Variants in TENM3 observed in about 807,000 individuals in gnomAD.
TENM3 encodes the protein teneurin-3.
A neutral mutation model predicts 255.1 loss-of-function variants in TENM3; 63 were observed. The observed-to-expected ratio is 0.25, with a 90% CI of 0.20 to 0.30. The LOEUF is 0.30. Among genes scored for constraint, TENM3 ranks in the 10% least tolerant of loss-of-function variants. The pLI is 1.00. For synonymous variants in TENM3, 1,306 were observed against 1,322.3 expected (o/e 0.99, Z 0.27); for missense variants, 2,929 against 3,461.1 (o/e 0.85, Z 3.86).
chr4:182,524,400 C>G (rs1207644175), intron 3 of TENM3, among the ~76,000 whole-genome samples: 1 of 139,078 alleles, frequency 7.2e-6, no homozygotes, highest in Non-Finnish European at 1.5e-5. Context: ...CTCTCTCTGT[C>G]ACCCAGGCCA....
At chr4:182,639,077 C>T (rs998106830) in intron 5 of TENM3, among the ~76,000 whole-genome samples, 3 of 152,108 alleles carry the variant, frequency 2.0e-5, no homozygotes, top group Non-Finnish European at 4.4e-5. Context: ...TTTCATTAAA[C>T]TTAGCTGTTT....
intron 3 of TENM3, among the ~76,000 whole-genome samples, chr4:182,554,513 G>T (rs1188237185): frequency 6.6e-6 from 1 of 152,086 alleles, no homozygotes; most frequent in African/African-American, 2.4e-5. Flanking sequence ...TTTATTGGGT[G>T]CCTACTTTGA....
chr4:182,388,523 CG>C (rs1234259805), intron 3 of TENM3, among the ~76,000 whole-genome samples: 1 of 152,040 alleles, frequency 6.6e-6, no homozygotes, highest in Admixed American at 6.6e-5. Flanking sequence ...GAGGTTTAAA[CG>C]GGTTAAAAGT....
chr4:181,513,241 T>C, the TENM3 span, among the ~76,000 whole-genome samples: 1 of 152,088 alleles, frequency 6.6e-6, no homozygotes, highest in African/African-American at 2.4e-5. Context: ...TGCCAAGTTC[T>C]CAATCATTCA....
chr4:182,385,185 T>C (rs1767828283), intron 3 of TENM3, among the ~76,000 whole-genome samples: 1 of 151,990 alleles, frequency 6.6e-6, no homozygotes, highest in Non-Finnish European at 1.5e-5. Flanking sequence ...GACAAGAATG[T>C]TGAGTTGAGA....
the TENM3 span, among the ~76,000 whole-genome samples, chr4:181,989,362 TG>T: frequency 6.6e-6 from 1 of 151,968 alleles, no homozygotes; most frequent in South Asian, 2.1e-4. Flanking sequence ...CTTTAGCTGC[TG>T]GCAAAAAGGC....
chr4:181,612,848 C>A, the TENM3 span, among the ~76,000 whole-genome samples: 5 of 152,010 alleles, frequency 3.3e-5, no homozygotes, highest in Non-Finnish European at 5.9e-5. Context: ...AAAAACATTA[C>A]CTATTTAAAT....
At chr4:182,380,972 T>G (rs1348142053) in intron 3 of TENM3, among the ~76,000 whole-genome samples, 1 of 152,220 alleles carries the variant, frequency 6.6e-6, no homozygotes, top group Non-Finnish European at 1.5e-5. Context: ...AAGGGTGGTC[T>G]GGCTTATGGG....
At chr4:182,042,879 G>A in the TENM3 span, among the ~76,000 whole-genome samples, 1 of 35,226 alleles carries the variant, frequency 2.8e-5, no homozygotes, top group Non-Finnish European at 6.2e-5. Context: ...TATCGTGTGT[G>A]CGTGTGTGTG....
chr4:182,513,847 A>T (rs1737665392), intron 3 of TENM3, among the ~76,000 whole-genome samples: 1 of 152,180 alleles, frequency 6.6e-6, no homozygotes, highest in Non-Finnish European at 1.5e-5. Flanking sequence ...GTGGGCTTTC[A>T]CACTCTGGTC....
the TENM3 span, among the ~76,000 whole-genome samples, chr4:181,507,719 A>T: frequency 6.6e-6 from 1 of 152,350 alleles, no homozygotes; most frequent in South Asian, 2.1e-4. Flanking sequence ...GGTGAAACAG[A>T]TGAGATGCTC....
the TENM3 span, among the ~76,000 whole-genome samples, chr4:181,669,163 G>C: frequency 1.3e-5 from 2 of 152,160 alleles, no homozygotes; most frequent in Non-Finnish European, 2.9e-5. Context: ...CCCTCAACTT[G>C]CCAAGAATAT....
chr4:181,624,401 A>C, the TENM3 span, among the ~76,000 whole-genome samples: 1 of 152,224 alleles, frequency 6.6e-6, no homozygotes, highest in African/African-American at 2.4e-5. Flanking sequence ...TAAAGAAGCA[A>C]GGAAGAGATG....
At chr4:182,375,864 G>C (rs1025524116) in intron 3 of TENM3, among the ~76,000 whole-genome samples, 1 of 152,138 alleles carries the variant, frequency 6.6e-6, no homozygotes, top group African/African-American at 2.4e-5. Flanking sequence ...TGTTGTGGGT[G>C]CTTTTTAAAA....
At chr4:182,518,124 G>C (rs1220876022) in intron 3 of TENM3, among the ~76,000 whole-genome samples, 2 of 152,044 alleles carry the variant, frequency 1.3e-5, no homozygotes, top group Non-Finnish European at 2.9e-5. Flanking sequence ...CTGTGTTCAT[G>C]GTGCCTGGGA....
At chr4:182,137,693 GA>G in the TENM3 span, among the ~76,000 whole-genome samples, 1 of 152,344 alleles carries the variant, frequency 6.6e-6, no homozygotes, top group South Asian at 2.1e-4. Context: ...TCTCGGAGCA[GA>G]AAGAGATTGC....
intron 4 of TENM3, 114 bp downstream of exon 4, chr4:182,601,275 C>T (rs1479730756): frequency 2.4e-6 from 2 of 845,252 alleles, no homozygotes; most frequent in Non-Finnish European, 3.7e-6. Context: ...GTTGTGTTTT[C>T]TTTTTTCTTC....
intron 23 of TENM3, among the ~76,000 whole-genome samples, chr4:182,774,379 T>C (rs983010636): frequency 2.0e-5 from 3 of 152,254 alleles, no homozygotes; most frequent in African/African-American, 7.2e-5. Flanking sequence ...ACTGAGGCAG[T>C]AGTCTACAAT....
the TENM3 span, among the ~76,000 whole-genome samples, chr4:181,605,538 GAAAGAAAGAA>G: frequency 4.5e-5 from 1 of 22,456 alleles, no homozygotes; most frequent in African/African-American, 1.1e-4. Flanking sequence ...AAGAAAGAAA[GAAAGAAAGAA>G]AGAAAGAAAG....
Sources: allele counts gnomAD v4.1 joint callset (sites outside exome capture counted in the v4.1 genomes callset), GRCh38; gene constraint gnomAD v4.1.1; transcripts MANE v1.5; gene names NCBI Gene and HGNC (gene_info 2026-07-23, HGNC 2026-07-21).